The following LRP6 variants were observed in gnomAD, a reference collection of about 807,000 sequenced individuals.
LRP6 encodes LDL receptor related protein 6, also known as low-density lipoprotein receptor-related protein 6.
LRP6 carries 43 observed loss-of-function variants against 184.1 expected under a neutral mutation model. That is an observed-to-expected ratio of 0.23 (90% CI 0.18 to 0.30). LRP6 has a LOEUF of 0.30. Ranked by LOEUF, LRP6 falls within the 10% of genes least tolerant of loss-of-function variation. LRP6 has a pLI of 1.00. For synonymous variants in LRP6, 719 were observed against 684.9 expected, an observed-to-expected ratio of 1.05 and a Z score of -0.78; for missense variants, 1,571 against 2,005.3, an observed-to-expected ratio of 0.78 and a Z score of 4.14.
rs1459246753 is a variant in LRP6 at position 12,130,796 on chromosome 12, A to C, written c.4068T>G (p.Asp1356Glu). The C allele has an allele frequency of 3.1e-6, 5 of 1,608,964 alleles. No homozygotes were observed. Among genetic ancestry groups the C allele is most frequent in the Non-Finnish European group, 4.3e-6 (5 of 1,175,374 alleles). ...DHNVDCSDKS[D>E]ELDCYPTEEP... is the part of the protein sequence containing the mutation. ...AGTCCTACTTACAACAATCCAGTTC[A>C]TCTGACTTGTCACTGCAATCCACAT... The change falls in exon 19 of 23, where the codon GAT becomes GAG. Residue 1356 changes from aspartate (D) to glutamate (E), a missense_variant. By Grantham distance (45) the Asp-to-Glu change is conservative. Coordinates refer to ENST00000261349, the MANE Select transcript of LRP6 (RefSeq NM_002336.3).
In LRP6 at chr12:12,164,060, G is replaced by T. The variant is rs565589286; in HGVS notation, c.2052+213C>A. Among the ~76,000 whole-genome samples the T allele has an allele frequency of 2.0e-5, 3 of 151,912 alleles. No homozygotes were observed. The South Asian group carries it at 6.3e-4, about 32-fold the overall frequency. ...CAGGAGAATCGCTTGAACCTGGGAG[G>T]CAGGGGTTGCAGTGAGCCGAGACTG... On this transcript the variant is annotated intron_variant, in intron 9 of 22. Transcript: ENST00000261349.
intron 3 of LRP6, among the ~76,000 whole-genome samples, chr12:12,202,640 G>C (rs1025051121): frequency 6.6e-6 from 1 of 152,240 alleles, no homozygotes; most frequent in Non-Finnish European, 1.5e-5. Flanking sequence ...AGTAGCAGAA[G>C]TAGTTGAACC....
rs564074329 is a variant in LRP6 at position 12,261,074 on chromosome 12, C to T, written c.55+5607G>A. Among the ~76,000 whole-genome samples, 13 of 152,180 alleles carry T rather than the reference C, an allele frequency of 8.5e-5. 1 individual carries two copies. The South Asian group carries it at 2.7e-3, about 32-fold the overall frequency. ...AAGCATATATAAGGACACAGTAGTT[C>T]AGTACAGCAAATGGAAAAACTTCCA... On this transcript the variant is annotated intron_variant, in intron 1 of 22. Transcript: ENST00000261349.
rs1949576069 is a variant in LRP6 at position 12,119,990 on chromosome 12, A to AATAC, written c.*1135_*1136insGTAT. ...ACTCAGAAAACAAACAAACAAACAA[A>AATAC]ATATATATATATATATATATATATA... is the stretch of plus-strand genomic sequence containing the variant. On this transcript the variant is annotated 3_prime_UTR_variant, in exon 23 of 23. Transcript: ENST00000261349. 6.6e-5 allele frequency: 3 copies of AATAC among 45,512 alleles called. No individual in the cohort carries two copies. Among genetic ancestry groups the AATAC allele is most frequent in the Non-Finnish European group, 7.8e-5 (2 of 25,692 alleles). The allele number at this position is 45,512 out of a possible 1,614,324, so 2.8% of individuals were successfully genotyped here.
At chr12:12,257,197 G>A (rs758243345) in intron 1 of LRP6, among the ~76,000 whole-genome samples, 1 of 152,174 alleles carries the variant, frequency 6.6e-6, no homozygotes, top group Non-Finnish European at 1.5e-5. Context: ...ACAACCCTGT[G>A]AGTATACTAA....
At chr12:12,211,477 T>C (rs17374170) in intron 2 of LRP6, among the ~76,000 whole-genome samples, 6,275 of 152,212 alleles carry the variant, frequency 0.041, 179 homozygotes, top group Middle Eastern at 0.15. Context: ...TAGATAGACA[T>C]GGTTTGGGAC....
chr12:12,143,638 G>A (rs1450400674), intron 15 of LRP6, among the ~76,000 whole-genome samples: 1 of 152,092 alleles, frequency 6.6e-6, no homozygotes, highest in Non-Finnish European at 1.5e-5. Flanking sequence ...GGAAAGGACA[G>A]TCTTTCCAGT....
intron 1 of LRP6, among the ~76,000 whole-genome samples, chr12:12,245,678 A>G (rs1865165301): frequency 6.6e-6 from 1 of 152,196 alleles, no homozygotes; most frequent in South Asian, 2.1e-4. Flanking sequence ...ACCTTTGAAA[A>G]GACCCGAAAC....
chr12:12,204,354 C>A (rs1863995865), intron 2 of LRP6, among the ~76,000 whole-genome samples: 1 of 147,200 alleles, frequency 6.8e-6, no homozygotes, highest in Non-Finnish European at 1.5e-5. Flanking sequence ...GATATGATAA[C>A]TACATCAAGT....
In LRP6 at chr12:12,119,987, C is replaced by CAAACAAACAAACAAAAAAAAA. The variant is rs567315765; in HGVS notation, c.*1138_*1139insTTTTTTTTTGTTTGTTTGTTT. On this transcript the variant is annotated 3_prime_UTR_variant, in exon 23 of 23. Transcript: ENST00000261349. ...TTTACTCAGAAAACAAACAAACAAACAAAATATATATATATATATATATAT... is the reference window on the plus strand; with the variant it reads ...TTTACTCAGAAAACAAACAAACAAACAAACAAACAAACAAAAAAAAAAAAATATATATATATATATATATAT... 2.3e-5 allele frequency: 1 copy of CAAACAAACAAACAAAAAAAAA among 42,938 alleles called. No homozygotes were observed. Among genetic ancestry groups the CAAACAAACAAACAAAAAAAAA allele is most frequent in the Non-Finnish European group, 4.5e-5 (1 of 22,140 alleles). The allele number at this position is 42,938 out of a possible 1,614,324, so 2.7% of individuals were successfully genotyped here. A position where few individuals can be genotyped will look rare whatever the true frequency, so the allele number is the denominator to read the frequency against.
intron 12 of LRP6, among the ~76,000 whole-genome samples, chr12:12,152,291 G>C (rs986843733): frequency 3.3e-5 from 5 of 152,006 alleles, no homozygotes; most frequent in African/African-American, 1.2e-4. Context: ...ACCTCTTTTT[G>C]TTCCCAGTTT....
intron 19 of LRP6, among the ~76,000 whole-genome samples, chr12:12,129,980 C>G (rs1949725735): frequency 6.6e-6 from 1 of 150,942 alleles, no homozygotes; most frequent in Admixed American, 6.6e-5. Flanking sequence ...ACTTATACTC[C>G]ATAATCAATG....
intron 2 of LRP6, among the ~76,000 whole-genome samples, chr12:12,232,397 A>G (rs7962728): frequency 0.018 from 2,688 of 151,974 alleles, 79 homozygotes; most frequent in African/African-American, 0.061. Context: ...AAAAAAAAAA[A>G]AAATTTAAGT....
intron 18 of LRP6, among the ~76,000 whole-genome samples, chr12:12,131,404 G>A (rs889867993): frequency 6.6e-6 from 1 of 152,090 alleles, no homozygotes; most frequent in Admixed American, 6.6e-5. Context: ...CACCACGCCC[G>A]GCTTATTCTT....
chr12:12,127,158 G>C (rs1949683689), intron 19 of LRP6, among the ~76,000 whole-genome samples: 1 of 152,080 alleles, frequency 6.6e-6, no homozygotes, highest in Non-Finnish European at 1.5e-5. Flanking sequence ...TAAAACAATA[G>C]GTTGGAAAGT....
intron 12 of LRP6, chr12:12,155,906 A>G (rs1199009488): frequency 7.2e-6 from 4 of 554,954 alleles, no homozygotes; most frequent in Non-Finnish European, 1.3e-5. Flanking sequence ...TTCTTCATTC[A>G]TTTATTTAAC....
At chr12:12,264,306 G>C (rs1037611336) in intron 1 of LRP6, among the ~76,000 whole-genome samples, 14 of 152,070 alleles carry the variant, frequency 9.2e-5, no homozygotes, top group African/African-American at 3.4e-4. Context: ...AACTAGTCAG[G>C]TATCATTATC....
At chr12:12,255,914 C>T (rs1191238810) in intron 1 of LRP6, among the ~76,000 whole-genome samples, 2 of 152,070 alleles carry the variant, frequency 1.3e-5, no homozygotes, top group South Asian at 4.2e-4. Flanking sequence ...TGACAAACTA[C>T]CTATTTGCAA....
intron 1 of LRP6, among the ~76,000 whole-genome samples, chr12:12,250,548 C>CTAT (rs1865300738): frequency 6.6e-6 from 1 of 151,914 alleles, no homozygotes; most frequent in African/African-American, 2.4e-5. Flanking sequence ...AGAACCATAC[C>CTAT]TTATAACTAA....
Sources: gnomAD v4.1 joint callset for allele counts (sites outside exome capture counted in the v4.1 genomes callset) on GRCh38, gnomAD v4.1.1 for gene constraint, MANE v1.5 for transcripts, NCBI Gene and HGNC (gene_info 2026-07-23, HGNC 2026-07-21) for gene names.